The following CWC22 variants were observed in gnomAD, a reference collection of about 807,000 sequenced individuals.
CWC22 encodes pre-mRNA-splicing factor CWC22 homolog.
A neutral mutation model predicts 117.2 loss-of-function variants in CWC22; 53 were observed. The observed-to-expected ratio is 0.45, with a 90% CI of 0.36 to 0.57. CWC22 has a LOEUF of 0.57. Among genes scored for constraint, CWC22 ranks in the 20% least tolerant of loss-of-function variants. The probability of loss-of-function intolerance (pLI) is 0.00; values close to 1 mark genes in which losing one functional copy is unlikely to be tolerated. For synonymous variants in CWC22, 360 were observed against 355.6 expected, an observed-to-expected ratio of 1.01 and a Z score of -0.14; for missense variants, 980 against 1,068.8, an observed-to-expected ratio of 0.92 and a Z score of 1.16.
At chr2:179,993,912 CATT>C (rs1227528810) in intron 1 of CWC22, among the ~76,000 whole-genome samples, 2 of 152,072 alleles carry the variant, frequency 1.3e-5, no homozygotes, top group African/African-American at 4.8e-5. Flanking sequence ...CAATAATGAT[CATT>C]AAGAAATAAA....
chr2:179,970,963 T>G lies in CWC22; in HGVS notation c.918A>C (p.Gln306His), dbSNP rs748108137. The change falls in exon 9 of 20, where the codon CAA becomes CAC. Residue 306 changes from glutamine to histidine, a missense_variant. Physicochemically the swap from Gln to His is conservative, Grantham distance 24 (BLOSUM62 0). Around this residue, in one of 3 missense-constraint regions of CWC22, gnomAD observed 559 missense variants for 602.3 expected, o/e 0.93. Transcript: ENST00000410053. Reference sequence around the variant, plus strand: ...TACCATTGATTCCTCTTGGTGACACTTGTGTTAATTTGAGGCCACATTCCT... The same window carrying G: ...TACCATTGATTCCTCTTGGTGACACGTGTGTTAATTTGAGGCCACATTCCT... ...FLKECGLKLT[Q>H]VSPRGINAIF... 1 of 1,612,752 alleles carries G rather than the reference T, an allele frequency of 6.2e-7. No homozygotes were observed. Among genetic ancestry groups the G allele is most frequent in the Non-Finnish European group, 8.5e-7 (1 of 1,179,254 alleles).
chr2:179,945,024 C>T lies in CWC22; in HGVS notation c.*105G>A. 2 of 731,570 alleles carry T rather than the reference C, an allele frequency of 2.7e-6. No individual in the cohort carries two copies. The highest frequency in any genetic ancestry group is 4.2e-6 in the Non-Finnish European group (2 of 479,010). 45.3% of individuals were successfully genotyped at this position (731,570 alleles called of 1,614,324 possible). ...AAAACATTTTTTAAATTTACAAATA[C>T]AAACCAATACTTTATACAAGAATTC... On this transcript the variant is annotated 3_prime_UTR_variant, in exon 20 of 20. Coordinates refer to ENST00000410053, the MANE Select transcript of CWC22 (RefSeq NM_020943.3).
chr2:179,954,460 A>G, intron 15 of CWC22, 103 bp from the exon 16 acceptor site: 1 of 698,724 alleles, frequency 1.4e-6, no homozygotes. Flanking sequence ...AATATGCTTT[A>G]TATTTTCAAA....
intron 1 of CWC22, among the ~76,000 whole-genome samples, chr2:179,996,000 C>T (rs192764532): frequency 7.2e-5 from 11 of 152,222 alleles, no homozygotes; most frequent in African/African-American, 2.6e-4. Flanking sequence ...ACCTCTGAAC[C>T]AACACATGTA....
intron 11 of CWC22, 61 bp from the exon 12 acceptor site, chr2:179,966,043 C>G: frequency 7.8e-7 from 1 of 1,278,218 alleles, no homozygotes; most frequent in Non-Finnish European, 1.1e-6. Context: ...GTATTTCATT[C>G]TAAGAAGATA....
At chr2:179,950,426 ACAAT>A in intron 19 of CWC22, 82 bp downstream of exon 19, 1 of 819,896 alleles carries the variant, frequency 1.2e-6, no homozygotes, top group Admixed American at 2.7e-5. Flanking sequence ...AGACAAATAA[ACAAT>A]CAAATTATTT....
intron 5 of CWC22, among the ~76,000 whole-genome samples, chr2:179,981,253 A>G (rs1368525181): frequency 6.6e-6 from 1 of 152,216 alleles, no homozygotes; most frequent in Non-Finnish European, 1.5e-5. Context: ...CACAATGCCT[A>G]TGACTATTTT....
chr2:179,960,127 C>A (rs552249038), intron 13 of CWC22, among the ~76,000 whole-genome samples: 1 of 151,980 alleles, frequency 6.6e-6, no homozygotes, highest in Non-Finnish European at 1.5e-5. Context: ...TCAAATATGA[C>A]GGTAGTAAAT....
At chr2:179,952,889 T>G (rs1575638042) in intron 16 of CWC22, among the ~76,000 whole-genome samples, 1 of 152,126 alleles carries the variant, frequency 6.6e-6, no homozygotes, top group South Asian at 2.1e-4. Flanking sequence ...TGGTAAAGAT[T>G]ACTAGCTCCT....
chr2:180,004,524 T>G (rs1273355881), intron 1 of CWC22, among the ~76,000 whole-genome samples: 1 of 152,134 alleles, frequency 6.6e-6, no homozygotes, highest in African/African-American at 2.4e-5. Context: ...CCCGAGTAGC[T>G]GGGGCTACAA....
At chr2:179,962,507 T>C (rs555879530) in intron 13 of CWC22, among the ~76,000 whole-genome samples, 1 of 151,606 alleles carries the variant, frequency 6.6e-6, no homozygotes, top group African/African-American at 2.4e-5. Flanking sequence ...TATATAGTTA[T>C]ATAGTTTTTA....
intron 6 of CWC22, 51 bp downstream of exon 6, chr2:179,978,139 T>G: frequency 1.4e-6 from 2 of 1,416,722 alleles, no homozygotes; most frequent in Non-Finnish European, 1.8e-6. Flanking sequence ...GATATTATAT[T>G]CCTTTGAAAA....
intron 19 of CWC22, among the ~76,000 whole-genome samples, chr2:179,948,482 C>T (rs1399846535): frequency 6.6e-6 from 1 of 152,046 alleles, no homozygotes; most frequent in African/African-American, 2.4e-5. Context: ...AAGTTACCTC[C>T]CTACAAGACA....
At chr2:179,981,444 T>C (rs1219418827) in intron 5 of CWC22, among the ~76,000 whole-genome samples, 1 of 152,116 alleles carries the variant, frequency 6.6e-6, no homozygotes, top group Non-Finnish European at 1.5e-5. Context: ...ACATTATCAA[T>C]AGGAATGCAT....
chr2:179,966,391 T>A (rs1686891111), intron 11 of CWC22, among the ~76,000 whole-genome samples: 2 of 152,106 alleles, frequency 1.3e-5, no homozygotes, highest in African/African-American at 4.8e-5. Context: ...AAACAAGAAT[T>A]TAGGCTAAGA....
At chr2:179,961,551 C>A (rs1390995897) in intron 13 of CWC22, among the ~76,000 whole-genome samples, 2 of 151,786 alleles carry the variant, frequency 1.3e-5, no homozygotes, top group African/African-American at 4.8e-5. Context: ...ACAGCAAAAC[C>A]AAAAACATTT....
At chr2:179,981,285 A>C (rs760149824) in intron 5 of CWC22, among the ~76,000 whole-genome samples, 1 of 152,118 alleles carries the variant, frequency 6.6e-6, no homozygotes, top group African/African-American at 2.4e-5. Flanking sequence ...AGCGGAGTTA[A>C]GTAGCAACAA....
intron 19 of CWC22, among the ~76,000 whole-genome samples, chr2:179,948,918 T>A (rs7596616): frequency 0.65 from 99,499 of 152,126 alleles, 33,020 homozygotes; most frequent in Middle Eastern, 0.71. Context: ...TTTCCTAGTT[T>A]GATAAATGAA....
chr2:179,977,996 T>C (rs1259791271), intron 6 of CWC22, among the ~76,000 whole-genome samples, 194 bp downstream of exon 6: 2 of 152,194 alleles, frequency 1.3e-5, no homozygotes, highest in African/African-American at 2.4e-5. Context: ...AAAAATTCCA[T>C]ACAACCTCTA....
Sources: gnomAD v4.1 joint callset for allele counts (sites outside exome capture counted in the v4.1 genomes callset) on GRCh38, gnomAD v4.1.1 for gene constraint, gnomAD v4.1.1 regional missense constraint, MANE v1.5 for transcripts, NCBI Gene and HGNC (gene_info 2026-07-23, HGNC 2026-07-21) for gene names.